Variants in SLC35B3 observed in about 807,000 individuals in gnomAD.
SLC35B3 encodes the protein solute carrier family 35 member B3, also known as adenosine 3'-phospho 5'-phosphosulfate transporter 2.
A neutral mutation model predicts 44.1 loss-of-function variants in SLC35B3; 35 were observed. The ratio of observed to expected loss-of-function variants is 0.79; its 90% CI spans 0.61 to 1.05. SLC35B3 has a LOEUF of 1.05. Among genes scored for constraint, SLC35B3 ranks in the 50% least tolerant of loss-of-function variants. The probability of loss-of-function intolerance (pLI) is 0.00; values close to 1 mark genes in which losing one functional copy is unlikely to be tolerated. For missense variants in SLC35B3, 414 were observed against 476.4 expected, an observed-to-expected ratio of 0.87 and a Z score of 1.22; for synonymous variants, 146 against 167.3, an observed-to-expected ratio of 0.87 and a Z score of 0.98.
chr6:8,429,967 A>T lies in SLC35B3; in HGVS notation c.194T>A (p.Val65Asp), dbSNP rs1474587073. 1.9e-6 allele frequency: 3 copies of T among 1,612,952 alleles called. No homozygotes were observed. The highest frequency in any genetic ancestry group is 2.2e-5 in the East Asian group (1 of 44,858). The change falls in exon 3 of 11, where the codon GTT becomes GAT. Residue 65 changes from valine (V) to aspartate (D), a missense_variant. Transcript: ENST00000644923. ...GCTGAGATTCATGCCAAGTACCACA[A>T]CGTCGTCAACTGACTTGATGTGTGG... is the stretch of plus-strand genomic sequence containing the variant.
chr6:8,429,436 A>G (rs1051744331), intron 3 of SLC35B3, among the ~76,000 whole-genome samples: 6 of 152,206 alleles, frequency 3.9e-5, no homozygotes, highest in Non-Finnish European at 8.8e-5. Context: ...CAAATATTAT[A>G]GGATTAAAGA....
In SLC35B3 at chr6:8,432,221, C is replaced by T. The variant is rs1289097589; in HGVS notation, c.4-2064G>A. On this transcript the variant is annotated intron_variant, in intron 2 of 10. Transcript: ENST00000644923. This position sits in a 1 kb window ranked among gnomAD's most constrained non-coding sequence, Gnocchi z 4.8. Reference sequence around the variant, plus strand: ...CAATCACTCACCTTCTGCTTGGATACGATTTTTGAAATGGATGGTGGTACT... The same window carrying T: ...CAATCACTCACCTTCTGCTTGGATATGATTTTTGAAATGGATGGTGGTACT... Among the ~76,000 whole-genome samples, 4 of 151,640 alleles carry T rather than the reference C, an allele frequency of 2.6e-5. No homozygotes were observed. Among genetic ancestry groups the T allele is most frequent in the South Asian group, 2.1e-4 (1 of 4,808 alleles).
rs1762834093 is a variant in SLC35B3 at position 8,420,905 on chromosome 6, G to C, written c.575-77C>G. On this transcript the variant is annotated intron_variant, in intron 5 of 10. Coordinates refer to ENST00000644923, the MANE Select transcript of SLC35B3 (RefSeq NM_001370476.2). This position sits in a 1 kb window ranked among gnomAD's most constrained non-coding sequence, Gnocchi z 4.4. The stretch of plus-strand genomic sequence containing the variant: ...TTATATTTGCTCTATGTGTTAAGTA[G>C]AACATGGATTTGTTTTTTTATATCC... 1.8e-6 allele frequency: 2 copies of C among 1,130,812 alleles called. No individual in the cohort carries two copies. The highest frequency in any genetic ancestry group is 2.1e-4 in the Middle Eastern group (1 of 4,804). 70.0% of individuals were successfully genotyped at this position (1,130,812 alleles called of 1,614,324 possible).
chr6:8,427,902 A>G (rs746541386), intron 4 of SLC35B3, 35 bp downstream of exon 3: 8 of 1,544,804 alleles, frequency 5.2e-6, no homozygotes, highest in South Asian at 1.2e-5. Flanking sequence ...TTCAACTAAT[A>G]TAGAAATATC....
intron 7 of SLC35B3, among the ~76,000 whole-genome samples, chr6:8,418,603 A>C (rs1228962517): frequency 6.6e-6 from 1 of 151,902 alleles, no homozygotes; most frequent in Non-Finnish European, 1.5e-5. Context: ...TATTTGCAAT[A>C]ACCACAAAAA....
At chr6:8,427,222 A>T (rs1581259984) in intron 4 of SLC35B3, among the ~76,000 whole-genome samples, 1 of 152,342 alleles carries the variant, frequency 6.6e-6, no homozygotes, top group Non-Finnish European at 1.5e-5. Context: ...AAATTTGCCT[A>T]ACAAGGATCT....
intron 10 of SLC35B3, among the ~76,000 whole-genome samples, chr6:8,414,434 T>C (rs1762231678): frequency 6.6e-6 from 1 of 152,200 alleles, no homozygotes; most frequent in African/African-American, 2.4e-5. Context: ...GTCTTTAGGA[T>C]GTAACTTACA....
intron 9 of SLC35B3, among the ~76,000 whole-genome samples, chr6:8,416,211 T>C (rs555201049): frequency 6.6e-6 from 1 of 152,288 alleles, no homozygotes; most frequent in East Asian, 1.9e-4. Flanking sequence ...TTAGCTATGA[T>C]TATTGCCAGC....
In SLC35B3 at chr6:8,433,027, T is replaced by C. The variant is rs899460301; in HGVS notation, c.3+1358A>G. ...CAATCTCACTTAACAGTACCTAGTA[T>C]GAAACACAAGCTAAAAATCTGGGAG... On this transcript the variant is annotated intron_variant, in intron 2 of 10. Coordinates refer to ENST00000644923, the MANE Select transcript of SLC35B3 (RefSeq NM_001370476.2). The surrounding 1 kb of genome is among the most constrained non-coding windows in gnomAD (Gnocchi z 4.1). Among the ~76,000 whole-genome samples, 2 of 152,224 alleles carry C rather than the reference T, an allele frequency of 1.3e-5. No homozygotes were observed. The highest frequency in any genetic ancestry group is 4.8e-5 in the African/African-American group (2 of 41,456).
At position 8,420,810 on chromosome 6, in the gene SLC35B3, G is replaced by A. The variant is rs1188557955; in HGVS notation, c.593C>T (p.Ala198Val). The A allele has an allele frequency of 6.2e-7, 1 of 1,611,758 alleles. No homozygotes were observed. The highest frequency in any genetic ancestry group is 8.5e-7 in the Non-Finnish European group (1 of 1,178,338). ...CATACATATGGCAGCAGACACATCT[G>A]CAACATTATAACGCTTTCCTGTATA... The change falls in exon 6 of 11, where the codon GCA becomes GTA. Residue 198 changes from alanine to valine, a missense_variant. Ala to Val is a moderately conservative substitution (Grantham distance 64). Transcript: ENST00000644923. The surrounding 1 kb of genome is among the most constrained non-coding windows in gnomAD (Gnocchi z 4.4).
rs541308257 is a variant in SLC35B3, at chr6:8,432,894, G to T, written c.3+1491C>A. 3.9e-5 allele frequency among the ~76,000 whole-genome samples: 6 copies of T among 152,240 alleles called. No individual in the cohort carries two copies. The highest frequency in any genetic ancestry group is 1.4e-4 in the African/African-American group (6 of 41,540). ...GAGATCCAGAGCTCTACGTCTAAAT[G>T]CTTCTTTGATACCTCTACTCATAAG... is the stretch of plus-strand genomic sequence containing the variant. On this transcript the variant is annotated intron_variant, in intron 2 of 10. Coordinates refer to ENST00000644923, the MANE Select transcript of SLC35B3 (RefSeq NM_001370476.2). The surrounding 1 kb of genome is among the most constrained non-coding windows in gnomAD (Gnocchi z 4.8).
intron 2 of SLC35B3, among the ~76,000 whole-genome samples, chr6:8,431,293 T>TA (rs1383527253): frequency 2.0e-5 from 3 of 152,256 alleles, no homozygotes; most frequent in African/African-American, 7.2e-5. Context: ...AACAAAAATT[T>TA]AAACTCTGCG....
intron 9 of SLC35B3, among the ~76,000 whole-genome samples, chr6:8,415,345 A>T (rs980549014): frequency 2.0e-5 from 3 of 152,200 alleles, no homozygotes; most frequent in African/African-American, 7.2e-5. Flanking sequence ...AGAAACAGTA[A>T]TCTAAAGGAT....
chr6:8,429,470 T>C (rs1763750464), intron 3 of SLC35B3, among the ~76,000 whole-genome samples: 1 of 152,104 alleles, frequency 6.6e-6, no homozygotes, highest in South Asian at 2.1e-4. Context: ...AACCATAAAA[T>C]ATCCTGATAC....
In SLC35B3 at chr6:8,412,819, T is replaced by C. The variant is rs1762099083; in HGVS notation, c.*730A>G. 6.6e-6 allele frequency among the ~76,000 whole-genome samples: 1 copy of C among 152,180 alleles called. No individual in the cohort carries two copies. Among genetic ancestry groups the C allele is most frequent in the Admixed American group, 6.5e-5 (1 of 15,280 alleles). ...CAGGGTTCCCGCTGCTATGAGAATC[T>C]AACGCTGCTGCTGATCTGACAGGAA... is the stretch of plus-strand genomic sequence containing the variant. On this transcript the variant is annotated 3_prime_UTR_variant, in exon 11 of 11. Transcript: ENST00000644923.
chr6:8,419,623 T>C lies in SLC35B3; in HGVS notation c.737A>G (p.Gln246Arg). 1 of 1,571,956 alleles carries C rather than the reference T, an allele frequency of 6.4e-7. No homozygotes were observed. Among genetic ancestry groups the C allele is most frequent in the East Asian group, 2.3e-5 (1 of 43,710 alleles). The change falls in exon 7 of 11, where the codon CAA (glutamine) becomes CGA (arginine). Residue 246 changes from glutamine (Q) to arginine (R), a missense_variant. Transcript: ENST00000644923. This position sits in a 1 kb window ranked among gnomAD's most constrained non-coding sequence, Gnocchi z 4.3. ...ATTATGAAGTTTCATAGCTTTCTCT[T>C]GAACATTTCCAATGACGGCATCTGC...
At chr6:8,423,692 A>T (rs115275616) in intron 4 of SLC35B3, among the ~76,000 whole-genome samples, 4,614 of 152,306 alleles carry the variant, frequency 0.03, 249 homozygotes, top group African/African-American at 0.11. Context: ...TTCTCATCTT[A>T]TATATGGTTA....
At chr6:8,423,154 A>C (rs1763085602) in intron 4 of SLC35B3, among the ~76,000 whole-genome samples, 1 of 152,184 alleles carries the variant, frequency 6.6e-6, no homozygotes, top group South Asian at 2.1e-4. Context: ...TGCCCAGCTA[A>C]TGTTGGCCTC....
chr6:8,414,544 G>A (rs1762239854), intron 10 of SLC35B3, among the ~76,000 whole-genome samples: 1 of 152,138 alleles, frequency 6.6e-6, no homozygotes, highest in South Asian at 2.1e-4. Context: ...CATATTTGCA[G>A]TAGGGCAAAG....
Sources: gnomAD v4.1 joint callset for allele counts (sites outside exome capture counted in the v4.1 genomes callset) on GRCh38, gnomAD v4.1.1 for gene constraint, Gnocchi (gnomAD v3.1) non-coding constraint, MANE v1.5 for transcripts, NCBI Gene and HGNC (gene_info 2026-07-23, HGNC 2026-07-21) for gene names.